TGM6: variants seen among roughly 807,000 people sequenced by gnomAD.
TGM6 encodes the protein transglutaminase 6, also known as protein-glutamine gamma-glutamyltransferase 6.
TGM6 carries 74 observed loss-of-function variants against 77.5 expected under a neutral mutation model. The observed-to-expected ratio is 0.96, with a 90% CI of 0.79 to 1.16. The LOEUF (loss-of-function observed/expected upper bound fraction) is 1.16. Ranked by LOEUF, TGM6 falls within the 50% of genes most tolerant of loss-of-function variation. The pLI, the probability that TGM6 is intolerant of heterozygous loss-of-function variation, is 0.00. For synonymous variants in TGM6, 383 were observed against 378.9 expected (o/e 1.01, Z -0.12); for missense variants, 968 against 940.2 (o/e 1.03, Z -0.39).
At chr20:2,410,469 A>C (rs2084778573) in intron 9 of TGM6, among the ~76,000 whole-genome samples, 1 of 152,166 alleles carries the variant, frequency 6.6e-6, no homozygotes, top group South Asian at 2.1e-4. Flanking sequence ...AATGGTAAGT[A>C]AACTGTTTTT....
intron 6 of TGM6, 73 bp from the exon 7 acceptor site, chr20:2,400,233 C>T (rs1162246833): frequency 1.2e-5 from 20 of 1,601,990 alleles, no homozygotes; most frequent in East Asian, 4.5e-5. Flanking sequence ...TGAGCCAGGG[C>T]GCCTGCTGTG....
chr20:2,388,199 A>AACC (rs752028542), intron 1 of TGM6, among the ~76,000 whole-genome samples: 2 of 152,218 alleles, frequency 1.3e-5, no homozygotes, highest in Non-Finnish European at 2.9e-5. Context: ...ATATTATTGC[A>AACC]ACCACCTTTG....
chr20:2,424,758 T>G (rs1174503942), intron 10 of TGM6, among the ~76,000 whole-genome samples: 1 of 152,218 alleles, frequency 6.6e-6, no homozygotes, highest in African/African-American at 2.4e-5. Context: ...TCTATGTGCC[T>G]TCCTCACTAA....
chr20:2,406,771 G>T (rs1367073862), intron 9 of TGM6, among the ~76,000 whole-genome samples: 1 of 139,522 alleles, frequency 7.2e-6, no homozygotes, highest in African/African-American at 2.5e-5. Flanking sequence ...GGAGGCGGAG[G>T]TTGCAGTGAG....
chr20:2,413,234 G>T (rs765151948), intron 9 of TGM6, among the ~76,000 whole-genome samples: 65 of 152,256 alleles, frequency 4.3e-4, no homozygotes, highest in Non-Finnish European at 8.2e-4. Context: ...TGGGCAACAT[G>T]GACGACTTCA....
intron 4 of TGM6, 56 bp from the exon 5 acceptor site, chr20:2,397,862 G>A: frequency 6.2e-7 from 1 of 1,613,800 alleles, no homozygotes; most frequent in Non-Finnish European, 8.5e-7. Context: ...CTGTGGGAGG[G>A]CCTGGAATAT....
At chr20:2,420,962 T>C (rs1276584388) in intron 10 of TGM6, among the ~76,000 whole-genome samples, 3 of 151,984 alleles carry the variant, frequency 2.0e-5, no homozygotes. Context: ...CTTATGCAGG[T>C]TTTTGTGTGG....
In TGM6 at chr20:2,417,164, T is replaced by G. The variant is rs2084821602; in HGVS notation, c.1337-68T>G. The G allele has an allele frequency of 3.4e-6, 5 of 1,465,644 alleles. No individual in the cohort carries two copies. The East Asian group carries it at 1.2e-4, about 36-fold the overall frequency. 90.8% of individuals were successfully genotyped at this position (1,465,644 alleles called of 1,614,324 possible). On this transcript the variant is annotated intron_variant, in intron 9 of 12. Coordinates refer to ENST00000202625, the MANE Select transcript of TGM6 (RefSeq NM_198994.3). The stretch of plus-strand genomic sequence containing the variant: ...TGGCTCTTGAACTGCCAGTTTGACT[T>G]CCATGAGCCATAGTAAATTAAAGGA...
chr20:2,387,686 CAT>C (rs1341318303), intron 1 of TGM6, among the ~76,000 whole-genome samples: 1 of 152,206 alleles, frequency 6.6e-6, no homozygotes, highest in African/African-American at 2.4e-5. Context: ...TGGCTCTCTC[CAT>C]GTTTCAGTTT....
intron 10 of TGM6, among the ~76,000 whole-genome samples, chr20:2,422,058 G>A (rs980347832): frequency 2.0e-5 from 3 of 152,092 alleles, no homozygotes; most frequent in Non-Finnish European, 4.4e-5. Context: ...CTTGAACCCG[G>A]GAGGCGGAGG....
At chr20:2,384,106 CAAAAAAA>C (rs35843804) in intron 1 of TGM6, among the ~76,000 whole-genome samples, 1 of 84,614 alleles carries the variant, frequency 1.2e-5, no homozygotes, top group South Asian at 4.0e-4. Flanking sequence ...GACTCCGTCT[CAAAAAAA>C]AAAAAAAAAA....
Position 2,396,629 on chromosome 20 carries a change from CCAGGGGCACAGGCCAGA to C in TGM6, c.543+8_543+24del, listed in dbSNP as rs1335450626. 1.2e-6 allele frequency: 2 copies of C among 1,613,954 alleles called. No homozygotes were observed. The highest frequency in any genetic ancestry group is 1.7e-6 in the Non-Finnish European group (2 of 1,179,838). On this transcript the variant is annotated splice_donor_region_variant and intron_variant, in intron 4 of 12. Transcript: ENST00000202625. ...CAGGGCTGGAACTACGGGCAGGTCT[CCAGGGGCACAGGCCAGA>C]CAAGGATGTGGGCTGGGGCATGGGG...
intron 9 of TGM6, among the ~76,000 whole-genome samples, chr20:2,408,903 G>C (rs1042648993): frequency 6.6e-6 from 1 of 152,020 alleles, no homozygotes; most frequent in African/African-American, 2.4e-5. Context: ...AGTATTTTGG[G>C]GAAAAATAAA....
At chr20:2,425,132 G>A (rs2084879304) in intron 10 of TGM6, among the ~76,000 whole-genome samples, 1 of 152,006 alleles carries the variant, frequency 6.6e-6, no homozygotes, top group Admixed American at 6.6e-5. Context: ...CTTGAACCTA[G>A]GAGTTTGAGA....
chr20:2,415,089 G>A (rs180901372), intron 9 of TGM6, among the ~76,000 whole-genome samples: 43 of 152,280 alleles, frequency 2.8e-4, no homozygotes, highest in African/African-American at 7.5e-4. Context: ...AAATCAGGTG[G>A]TCAGAGAAGG....
chr20:2,403,635 A>G lies in TGM6; in HGVS notation c.1148A>G (p.His383Arg). Reference protein sequence around the residue: ...SVTAIREGDVHLAHDGPFVFA... With the variant: ...SVTAIREGDVRLAHDGPFVFA... ...ACCGCCATCCGCGAGGGTGATGTGCACCTGGCTCACGATGGCCCCTTCGTG... is the reference window on the plus strand; with the variant it reads ...ACCGCCATCCGCGAGGGTGATGTGCGCCTGGCTCACGATGGCCCCTTCGTG... The change falls in exon 9 of 13, where the codon CAC (histidine) becomes CGC (arginine). Residue 383 changes from histidine to arginine, a missense_variant. By Grantham distance (29) the His-to-Arg change is conservative. Transcript: ENST00000202625. 6.2e-7 allele frequency: 1 copy of G among 1,614,112 alleles called. No individual in the cohort carries two copies. The highest frequency in any genetic ancestry group is 8.5e-7 in the Non-Finnish European group (1 of 1,180,010).
chr20:2,431,052 C>T, intron 12 of TGM6, 25 bp downstream of exon 12: 5 of 1,611,592 alleles, frequency 3.1e-6, no homozygotes, highest in Non-Finnish European at 4.2e-6. Context: ...GGGGGGCTGG[C>T]AGGGAATGGG....
intron 9 of TGM6, among the ~76,000 whole-genome samples, chr20:2,416,082 A>G (rs2084814808): frequency 6.6e-6 from 1 of 152,204 alleles, no homozygotes; most frequent in African/African-American, 2.4e-5. Flanking sequence ...CACCCAGGAA[A>G]GAATTCAAGG....
chr20:2,387,214 T>C (rs796670062), intron 1 of TGM6, among the ~76,000 whole-genome samples: 30 of 152,360 alleles, frequency 2.0e-4, no homozygotes, highest in African/African-American at 6.7e-4. Context: ...GTCCTGCTTG[T>C]GTTTTCTGAC....
Sources: allele counts gnomAD v4.1 joint callset (sites outside exome capture counted in the v4.1 genomes callset), GRCh38; gene constraint gnomAD v4.1.1; transcripts MANE v1.5; gene names NCBI Gene and HGNC (gene_info 2026-07-23, HGNC 2026-07-21).